Variants in GON4L observed in about 807,000 individuals in gnomAD.
GON4L encodes gon-4 like.
In GON4L, 87 loss-of-function variants were observed where a neutral mutation model predicts 211.8. The ratio of observed to expected loss-of-function variants is 0.41; its 90% CI spans 0.35 to 0.49. The LOEUF is 0.49. Ranked by LOEUF, GON4L falls within the 20% of genes least tolerant of loss-of-function variation. GON4L has a pLI of 0.15. For missense variants in GON4L, 2,155 were observed against 2,659.5 expected (o/e 0.81, Z 4.17); for synonymous variants, 875 against 962.6 (o/e 0.91, Z 1.68).
chr1:155,842,996 C>G (rs1670920320), intron 2 of GON4L, among the ~76,000 whole-genome samples: 1 of 152,152 alleles, frequency 6.6e-6, no homozygotes, highest in African/African-American at 2.4e-5. Flanking sequence ...ATTAAACAAA[C>G]CTGTTTTTGG....
intron 23 of GON4L, 38 bp downstream of exon 23, chr1:155,762,152 A>C (rs1405044265): frequency 1.3e-6 from 2 of 1,520,120 alleles, no homozygotes; most frequent in African/African-American, 2.7e-5. Context: ...AGCCACATTC[A>C]TAGAGACTGG....
chr1:155,829,591 G>A (rs1258879232), intron 2 of GON4L, among the ~76,000 whole-genome samples: 1 of 152,096 alleles, frequency 6.6e-6, no homozygotes, highest in Non-Finnish European at 1.5e-5. Flanking sequence ...ATTCCAGCCT[G>A]GGCGACAGAG....
chr1:155,753,720 G>A (rs1267897888), intron 28 of GON4L, among the ~76,000 whole-genome samples: 1 of 152,084 alleles, frequency 6.6e-6, no homozygotes, highest in Non-Finnish European at 1.5e-5. Flanking sequence ...GGTCTCAGAT[G>A]ACACAGATTA....
downstream of GON4L, among the ~76,000 whole-genome samples, chr1:155,748,969 T>C (rs560597327): frequency 1.3e-5 from 2 of 152,320 alleles, no homozygotes; most frequent in South Asian, 4.1e-4. Flanking sequence ...CTTAAGTTTC[T>C]TGGGCTAGGC....
chr1:155,825,774 G>A (rs1049678421), intron 3 of GON4L, among the ~76,000 whole-genome samples: 1 of 151,788 alleles, frequency 6.6e-6, no homozygotes, highest in African/African-American at 2.4e-5. Context: ...CGGGTGCGGT[G>A]GCTCATGCCT....
At chr1:155,761,125 A>G (rs937913582) in intron 23 of GON4L, among the ~76,000 whole-genome samples, 2 of 151,870 alleles carry the variant, frequency 1.3e-5, no homozygotes, top group Non-Finnish European at 2.9e-5. Context: ...TTACCAAGAG[A>G]AGGACACAGT....
At chr1:155,842,328 TA>T (rs1422551951) in intron 2 of GON4L, among the ~76,000 whole-genome samples, 1 of 151,426 alleles carries the variant, frequency 6.6e-6, no homozygotes, top group African/African-American at 2.4e-5. Context: ...ATGGAGACCT[TA>T]CTGGCTAACA....
upstream of GON4L, among the ~76,000 whole-genome samples, chr1:155,857,985 A>G (rs1272690811): frequency 6.6e-6 from 1 of 152,206 alleles, no homozygotes; most frequent in Non-Finnish European, 1.5e-5. Context: ...TAAGATTATT[A>G]TATCATATTC....
At chr1:155,845,726 G>C (rs1388827625) in intron 2 of GON4L, 1 of 289,080 alleles carries the variant, frequency 3.5e-6, no homozygotes, top group Non-Finnish European at 7.0e-6. Flanking sequence ...CCGTAACTCA[G>C]TATTGGTCAC....
At chr1:155,791,785 T>C (rs1284229888) in intron 12 of GON4L, among the ~76,000 whole-genome samples, 1 of 151,918 alleles carries the variant, frequency 6.6e-6, no homozygotes, top group Non-Finnish European at 1.5e-5. Flanking sequence ...GGAGAATCGC[T>C]TGAACCCAGG....
upstream of GON4L, chr1:155,859,374 C>T (rs544498234): frequency 1.0e-3 from 191 of 183,748 alleles, 1 homozygote; most frequent in African/African-American, 4.3e-3. Flanking sequence ...GAAAACTCGG[C>T]GGTGGGAGGA....
intron 19 of GON4L, 79 bp from the exon 20 acceptor site, chr1:155,767,620 G>A: frequency 6.6e-7 from 1 of 1,504,232 alleles, no homozygotes; most frequent in South Asian, 1.2e-5. Flanking sequence ...ATGGGGTGGT[G>A]GTGGATCAAG....
rs746527977 is a variant in GON4L, at chr1:155,775,010, T to C, written c.2342A>G (p.Lys781Arg). ...ACACATCTGTCTCCTACCAGTCTTCTTGACAGTTTTATGAGGGCTGCAGTC... is the reference window on the plus strand; with the variant it reads ...ACACATCTGTCTCCTACCAGTCTTCCTGACAGTTTTATGAGGGCTGCAGTC... ...SIDCSPHKTV[K>R]KTANEFPCLP... The change falls in exon 17 of 32, where the codon AAG becomes AGG. Residue 781 changes from lysine to arginine, a missense_variant. By Grantham distance (26) the Lys-to-Arg change is conservative. Transcript: ENST00000368331. 3.2e-5 allele frequency: 51 copies of C among 1,611,242 alleles called. 1 individual carries two copies. In the South Asian group the frequency reaches 4.5e-4, roughly 14 times the overall value.
At chr1:155,761,862 CT>C (rs1553196916) in intron 23 of GON4L, among the ~76,000 whole-genome samples, 1 of 152,146 alleles carries the variant, frequency 6.6e-6, no homozygotes, top group Non-Finnish European at 1.5e-5. Context: ...CACTATCTTT[CT>C]TCTCAAGCCA....
At chr1:155,812,009 C>T (rs1294153631) in intron 10 of GON4L, among the ~76,000 whole-genome samples, 1 of 151,830 alleles carries the variant, frequency 6.6e-6, no homozygotes, top group Non-Finnish European at 1.5e-5. Context: ...TGAGGTCGCG[C>T]CACTGCACTC....
chr1:155,774,614 A>G (rs1214234028), intron 17 of GON4L, among the ~76,000 whole-genome samples: 1 of 152,032 alleles, frequency 6.6e-6, no homozygotes, highest in Admixed American at 6.6e-5. Context: ...GCCTTAGTTG[A>G]TCTTAATGAA....
At chr1:155,782,721 GTCATC>G (rs1664544298) in intron 14 of GON4L, among the ~76,000 whole-genome samples, 1 of 151,948 alleles carries the variant, frequency 6.6e-6, no homozygotes, top group Non-Finnish European at 1.5e-5. Context: ...CAAGCAGGCT[GTCATC>G]TCAGCTCACT....
chr1:155,828,286 G>A (rs975590405), intron 2 of GON4L, among the ~76,000 whole-genome samples: 1 of 150,172 alleles, frequency 6.7e-6, no homozygotes, highest in Admixed American at 6.6e-5. Flanking sequence ...GTCAGGAGTT[G>A]GAGACCAGCC....
chr1:155,818,684 G>A (rs1668473196), intron 6 of GON4L, among the ~76,000 whole-genome samples: 1 of 152,142 alleles, frequency 6.6e-6, no homozygotes, highest in Non-Finnish European at 1.5e-5. Context: ...ATCTGGTTCA[G>A]TAGAGTCTTC....
Sources: allele counts gnomAD v4.1 joint callset (sites outside exome capture counted in the v4.1 genomes callset), GRCh38; gene constraint gnomAD v4.1.1; transcripts MANE v1.5; gene names NCBI Gene and HGNC (gene_info 2026-07-23, HGNC 2026-07-21).